The following EXOC4 variants were observed in gnomAD, a reference collection of about 807,000 sequenced individuals.
EXOC4 encodes SEC8-like 1.
A neutral mutation model predicts 107.2 loss-of-function variants in EXOC4; 71 were observed. The observed-to-expected ratio is 0.66, with a 90% confidence interval of 0.55 to 0.81. EXOC4 has a LOEUF of 0.81. Ranked by LOEUF, EXOC4 falls within the 30% of genes least tolerant of loss-of-function variation. EXOC4 has a pLI of 0.00. For missense variants in EXOC4, 1,108 were observed against 1,189.6 expected, an observed-to-expected ratio of 0.93 and a Z score of 1.01; for synonymous variants, 456 against 441.2, an observed-to-expected ratio of 1.03 and a Z score of -0.42.
chr7:133,544,364 T>C (rs975379734), intron 9 of EXOC4, among the ~76,000 whole-genome samples: 4 of 152,148 alleles, frequency 2.6e-5, no homozygotes, highest in Non-Finnish European at 5.9e-5. Context: ...AAATCTAATA[T>C]AATTCCTGCT....
intron 9 of EXOC4, among the ~76,000 whole-genome samples, chr7:133,535,666 CTT>C (rs953910306): frequency 2.6e-5 from 4 of 152,142 alleles, no homozygotes; most frequent in Non-Finnish European, 4.4e-5. Context: ...AATATCAACT[CTT>C]TTATATGATT....
intron 12 of EXOC4, among the ~76,000 whole-genome samples, chr7:133,907,611 G>A (rs1166974975): frequency 6.6e-6 from 1 of 152,194 alleles, no homozygotes; most frequent in African/African-American, 2.4e-5. Context: ...GCCTAGGTGG[G>A]TGGATCACCT....
chr7:133,363,821 A>C (rs938481199), intron 6 of EXOC4, among the ~76,000 whole-genome samples: 1 of 152,090 alleles, frequency 6.6e-6, no homozygotes, highest in Non-Finnish European at 1.5e-5. Flanking sequence ...ATTTTTGTGC[A>C]CTTGCTATTG....
At chr7:133,720,110 AAT>A (rs1243663378) in intron 10 of EXOC4, among the ~76,000 whole-genome samples, 1 of 152,136 alleles carries the variant, frequency 6.6e-6, no homozygotes, top group Non-Finnish European at 1.5e-5. Flanking sequence ...CGTTAACTAG[AAT>A]AGTCTTTCAT....
intron 11 of EXOC4, among the ~76,000 whole-genome samples, chr7:133,825,145 T>C (rs1439206554): frequency 6.6e-6 from 1 of 150,876 alleles, no homozygotes; most frequent in Non-Finnish European, 1.5e-5. Context: ...AGGCCAGGAA[T>C]TCGAGACCAG....
Position 133,447,033 on chromosome 7 carries a change from G to T in EXOC4, c.1183-28295G>T, listed in dbSNP as rs777368974. On this transcript the variant is annotated intron_variant, in intron 7 of 17. Transcript: ENST00000253861. ...TTGAAGACTCAGGAACATTTTGGTT[G>T]GTTTTTAACCATAAGTGAAATAATA... is the stretch of plus-strand genomic sequence containing the variant. Among the ~76,000 whole-genome samples the T allele has an allele frequency of 2.6e-5, 4 of 152,198 alleles. No homozygotes were observed. In the East Asian group the frequency reaches 7.7e-4, roughly 29 times the overall value.
At chr7:133,985,559 A>G (rs1794094484) in intron 14 of EXOC4, among the ~76,000 whole-genome samples, 1 of 152,152 alleles carries the variant, frequency 6.6e-6, no homozygotes, top group Admixed American at 6.5e-5. Context: ...AAGCTCCTCT[A>G]GGGCCAATGA....
chr7:133,289,366 C>T (rs1051732535), intron 3 of EXOC4, among the ~76,000 whole-genome samples: 3 of 152,170 alleles, frequency 2.0e-5, no homozygotes, highest in Non-Finnish European at 2.9e-5. Context: ...GTACTTAAAT[C>T]AGGTTAGAAT....
chr7:133,851,462 G>A (rs1226717451), intron 11 of EXOC4, among the ~76,000 whole-genome samples: 3 of 152,216 alleles, frequency 2.0e-5, no homozygotes, highest in African/African-American at 7.2e-5. Flanking sequence ...GGGACTACAG[G>A]TGTGAGCCAC....
At chr7:133,437,141 A>G (rs975684721) in intron 7 of EXOC4, among the ~76,000 whole-genome samples, 19 of 152,200 alleles carry the variant, frequency 1.2e-4, no homozygotes, top group African/African-American at 4.1e-4. Context: ...TTCATTTTAA[A>G]GAAAGTACTG....
At position 134,008,066 on chromosome 7, in the gene EXOC4, C is replaced by G. The variant is rs147628877; in HGVS notation, c.2687+231C>G. ...GATGTCTAACCCAAGTTCTTCTTAA[C>G]TACAATACTTGAATAACTCTTTTTT... On this transcript the variant is annotated intron_variant, in intron 17 of 17. Coordinates refer to ENST00000253861, the MANE Select transcript of EXOC4 (RefSeq NM_021807.4). The G allele has an allele frequency of 4.2e-3, 1,821 of 433,036 alleles. 23 individuals are homozygous for G. The highest frequency in any genetic ancestry group is 0.032 in the African/African-American group (1,613 of 50,260). The allele number at this position is 433,036 out of a possible 1,614,324, so 26.8% of individuals were successfully genotyped here.
intron 9 of EXOC4, among the ~76,000 whole-genome samples, chr7:133,575,054 G>A (rs926543159): frequency 6.6e-6 from 1 of 152,174 alleles, no homozygotes; most frequent in African/African-American, 2.4e-5. Context: ...GAAAAGAGAT[G>A]CATTCAATTC....
chr7:133,285,229 G>A (rs142797769), intron 2 of EXOC4, among the ~76,000 whole-genome samples: 23 of 152,228 alleles, frequency 1.5e-4, no homozygotes, highest in Non-Finnish European at 2.1e-4. Flanking sequence ...GTGCCATTGC[G>A]TTGTTGTTTT....
At chr7:133,398,158 C>T (rs574397797) in intron 7 of EXOC4, among the ~76,000 whole-genome samples, 1 of 152,280 alleles carries the variant, frequency 6.6e-6, no homozygotes, top group African/African-American at 2.4e-5. Flanking sequence ...TCTAGGCTGA[C>T]AGGCACCTAT....
intron 11 of EXOC4, among the ~76,000 whole-genome samples, chr7:133,882,014 T>TA (rs143362871): frequency 0.015 from 2,200 of 149,676 alleles, 63 homozygotes; most frequent in African/African-American, 0.052. Context: ...CACACTGCTC[T>TA]AAAAAAAAAA....
At chr7:134,049,221 C>G (rs1341772382) in intron 17 of EXOC4, among the ~76,000 whole-genome samples, 1 of 152,198 alleles carries the variant, frequency 6.6e-6, no homozygotes, top group Non-Finnish European at 1.5e-5. Context: ...AAAATACCTT[C>G]TTTTATCAAA....
At chr7:133,299,730 C>T (rs1401590273) in intron 3 of EXOC4, among the ~76,000 whole-genome samples, 1 of 152,094 alleles carries the variant, frequency 6.6e-6, no homozygotes, top group Non-Finnish European at 1.5e-5. Context: ...TTGCAGGCCC[C>T]CCTCCCTTCA....
At chr7:133,677,171 A>T (rs1000499918) in intron 10 of EXOC4, among the ~76,000 whole-genome samples, 2 of 152,038 alleles carry the variant, frequency 1.3e-5, no homozygotes, top group African/African-American at 2.4e-5. Context: ...CTTGTCTCTA[A>T]TGTTTTGAGT....
chr7:133,770,848 AC>A (rs1416757168), intron 10 of EXOC4, among the ~76,000 whole-genome samples: 7 of 151,912 alleles, frequency 4.6e-5, no homozygotes, highest in African/African-American at 1.7e-4. Flanking sequence ...ATGAGGTGCT[AC>A]CCTAAGCTCT....
Sources: allele counts gnomAD v4.1 joint callset (sites outside exome capture counted in the v4.1 genomes callset), GRCh38; gene constraint gnomAD v4.1.1; transcripts MANE v1.5; gene names NCBI Gene and HGNC (gene_info 2026-07-23, HGNC 2026-07-21).